The following NBEA variants were observed in gnomAD, a reference collection of about 807,000 sequenced individuals.
The protein encoded by NBEA is lysosomal-trafficking regulator 2.
NBEA carries 44 observed loss-of-function variants against 343.4 expected under a neutral mutation model. The ratio of observed to expected loss-of-function variants is 0.13; its 90% CI spans 0.10 to 0.16. NBEA has a LOEUF of 0.16. Among genes scored for constraint, NBEA ranks in the 10% least tolerant of loss-of-function variants. The pLI is 1.00. For synonymous variants in NBEA, 1,175 were observed against 1,238.7 expected, an observed-to-expected ratio of 0.95 and a Z score of 1.08; for missense variants, 2,555 against 3,631.3, an observed-to-expected ratio of 0.70 and a Z score of 7.62.
intron 28 of NBEA, among the ~76,000 whole-genome samples, chr13:35,178,067 A>G (rs971138601): frequency 6.6e-6 from 1 of 151,744 alleles, no homozygotes; most frequent in African/African-American, 2.4e-5. Flanking sequence ...CATGATAAAA[A>G]TTCAGTATCC....
chr13:34,980,924 T>C (rs2060335642), intron 1 of NBEA, among the ~76,000 whole-genome samples: 1 of 152,174 alleles, frequency 6.6e-6, no homozygotes, highest in Non-Finnish European at 1.5e-5. Context: ...AATAGCTTCA[T>C]TGAGGTATAA....
chr13:34,942,975 G>A lies in NBEA; in HGVS notation c.155G>A (p.Gly52Asp). ...GAGCTAAGGGGGGCGTCCGGCTCCGGCTCGGTGATGCTCCCCGCGGGGATG... is the reference window on the plus strand; with the variant it reads ...GAGCTAAGGGGGGCGTCCGGCTCCGACTCGGTGATGCTCCCCGCGGGGATG... The part of the protein sequence containing the change: ...MGELRGASGS[G>D]SVMLPAGMIN... The change falls in exon 1 of 59, where the codon GGC (glycine) becomes GAC (aspartate). Residue 52 changes from glycine to aspartate, a missense_variant. By Grantham distance (94) the Gly-to-Asp change is moderately conservative. This residue lies in a region of NBEA where 122 missense variants were observed against 91.0 expected (regional missense o/e 1.34). Transcript: ENST00000379939. The A allele has an allele frequency of 6.2e-7, 1 of 1,605,090 alleles. No homozygotes were observed. The highest frequency in any genetic ancestry group is 8.5e-7 in the Non-Finnish European group (1 of 1,175,976).
rs1409225964 is a variant in NBEA at position 35,070,119 on chromosome 13, G to A, written c.1437+14G>A. On this transcript the variant is annotated intron_variant, in intron 9 of 58. Coordinates refer to ENST00000379939, the MANE Select transcript of NBEA (RefSeq NM_001385012.1). ...CTAATGCTTCAGGTGGGTGAATCGT[G>A]GCTTTGTTTTCATGTTCTTGTCAGA... The A allele has an allele frequency of 1.4e-6, 2 of 1,474,062 alleles. No individual in the cohort carries two copies. The highest frequency in any genetic ancestry group is 1.8e-6 in the Non-Finnish European group (2 of 1,103,204). 91.3% of individuals were successfully genotyped at this position (1,474,062 alleles called of 1,614,324 possible).
At chr13:35,311,384 A>C (rs180764547) in intron 36 of NBEA, among the ~76,000 whole-genome samples, 3 of 151,840 alleles carry the variant, frequency 2.0e-5, no homozygotes, top group African/African-American at 7.3e-5. Context: ...TTGAACCTCT[A>C]AACACTTAAA....
At chr13:35,625,244 T>C (rs2153063617) in intron 48 of NBEA, among the ~76,000 whole-genome samples, 1 of 152,284 alleles carries the variant, frequency 6.6e-6, no homozygotes, top group South Asian at 2.1e-4. Flanking sequence ...ACAAAGAACA[T>C]GGATAAAGTT....
At position 35,606,992 on chromosome 13, in the gene NBEA, C is replaced by T. The variant is rs572245231; in HGVS notation, c.7449+414C>T. On this transcript the variant is annotated intron_variant, in intron 48 of 58. Transcript: ENST00000379939. Reference sequence around the variant, plus strand: ...TTTATTTAGAACATATTTATATGTGCGATATTTATGCTGTGAAACATACCT... The same window carrying T: ...TTTATTTAGAACATATTTATATGTGTGATATTTATGCTGTGAAACATACCT... Among the ~76,000 whole-genome samples, 7 of 152,192 alleles carry T rather than the reference C, an allele frequency of 4.6e-5. No homozygotes were observed. The East Asian group carries it at 1.3e-3, about 29-fold the overall frequency.
intron 38 of NBEA, among the ~76,000 whole-genome samples, chr13:35,378,806 C>T (rs574907566): frequency 8.6e-5 from 13 of 151,658 alleles, no homozygotes; most frequent in African/African-American, 3.1e-4. Context: ...TCTTGTATTC[C>T]TCACCCTGCT....
chr13:35,441,666 A>C (rs1274319742), intron 39 of NBEA, among the ~76,000 whole-genome samples: 6 of 152,138 alleles, frequency 3.9e-5, no homozygotes, highest in African/African-American at 1.4e-4. Context: ...TAAATGTGCC[A>C]TGGGGATACC....
In NBEA at chr13:34,972,177, A is replaced by T. The variant is rs762877612; in HGVS notation, c.294+29063A>T. On this transcript the variant is annotated intron_variant, in intron 1 of 58. Transcript: ENST00000379939. Reference sequence around the variant, plus strand: ...ATGGTTGTTTGTGTTTCTGTGGAGTATTCCCCTTACCATTTCTTATTTTAT... The same window carrying T: ...ATGGTTGTTTGTGTTTCTGTGGAGTTTTCCCCTTACCATTTCTTATTTTAT... Among the ~76,000 whole-genome samples the T allele has an allele frequency of 2.0e-5, 3 of 151,274 alleles. No homozygotes were observed. In the South Asian group the frequency reaches 6.2e-4, roughly 31 times the overall value.
chr13:35,160,100 G>A, intron 22 of NBEA, 68 bp downstream of exon 22: 2 of 1,353,148 alleles, frequency 1.5e-6, no homozygotes, highest in Non-Finnish European at 2.0e-6. Flanking sequence ...CACCAAAACA[G>A]AGTAATTTCT....
intron 41 of NBEA, among the ~76,000 whole-genome samples, chr13:35,522,794 A>C (rs1049676136): frequency 2.4e-4 from 36 of 152,076 alleles, no homozygotes; most frequent in Admixed American, 6.6e-5. Context: ...CCCTATGAGA[A>C]TCTAATGCCT....
At chr13:35,341,419 T>G (rs908315608) in intron 36 of NBEA, among the ~76,000 whole-genome samples, 2 of 152,068 alleles carry the variant, frequency 1.3e-5, no homozygotes, top group African/African-American at 4.8e-5. Flanking sequence ...AAAACTTGTG[T>G]GTCAAAAGAC....
At chr13:34,944,945 C>G (rs908259635) in intron 1 of NBEA, among the ~76,000 whole-genome samples, 1 of 152,076 alleles carries the variant, frequency 6.6e-6, no homozygotes, top group African/African-American at 2.4e-5. Flanking sequence ...CAGTTCTTAA[C>G]AGATGGGGTT....
intron 47 of NBEA, among the ~76,000 whole-genome samples, chr13:35,596,357 G>A (rs1377603577): frequency 6.6e-6 from 1 of 152,216 alleles, no homozygotes; most frequent in African/African-American, 2.4e-5. Context: ...TTATTTCTAA[G>A]CTGTTAAAGC....
At chr13:35,361,554 G>C (rs1399852073) in intron 38 of NBEA, among the ~76,000 whole-genome samples, 1 of 151,966 alleles carries the variant, frequency 6.6e-6, no homozygotes. Flanking sequence ...ATTGACCATA[G>C]ACTTAAATAC....
intron 41 of NBEA, among the ~76,000 whole-genome samples, chr13:35,546,221 TAAGA>T (rs1200996465): frequency 1.3e-5 from 2 of 152,168 alleles, no homozygotes; most frequent in Admixed American, 1.3e-4. Context: ...TAAACAGTGA[TAAGA>T]TAGGCTGTGT....
rs2076542293 is a variant in NBEA at position 35,492,662 on chromosome 13, G to T, written c.6585+20126G>T. On this transcript the variant is annotated intron_variant, in intron 41 of 58. Coordinates refer to ENST00000379939, the MANE Select transcript of NBEA (RefSeq NM_001385012.1). ...TGTAACAGTGGAGGGTGAGATGTTG[G>T]GTTTAGGATAAACAGGTGGAGATCT... Among the ~76,000 whole-genome samples, 3 of 151,916 alleles carry T rather than the reference G, an allele frequency of 2.0e-5. No individual in the cohort carries two copies. The South Asian group carries it at 6.2e-4, about 31-fold the overall frequency.
chr13:35,124,757 T>C (rs117547807), intron 17 of NBEA, among the ~76,000 whole-genome samples: 6,914 of 151,456 alleles, frequency 0.046, 233 homozygotes, highest in Non-Finnish European at 0.067. Flanking sequence ...CACATATGTA[T>C]GGATATATAT....
intron 34 of NBEA, among the ~76,000 whole-genome samples, chr13:35,289,866 C>T (rs571462072): frequency 6.6e-6 from 1 of 151,764 alleles, no homozygotes; most frequent in South Asian, 2.1e-4. Flanking sequence ...ATGTGTTAAT[C>T]ATACATTTTT....
Sources: allele counts gnomAD v4.1 joint callset (sites outside exome capture counted in the v4.1 genomes callset), GRCh38; gene constraint gnomAD v4.1.1; regional missense constraint gnomAD v4.1.1; transcripts MANE v1.5; gene names NCBI Gene and HGNC (gene_info 2026-07-23, HGNC 2026-07-21).